The following KIAA0825 variants were observed in gnomAD, a reference collection of about 807,000 sequenced individuals.
KIAA0825 encodes the protein KIAA0825.
KIAA0825 carries 119 observed loss-of-function variants against 147.6 expected under a neutral mutation model. The observed-to-expected ratio is 0.81, with a 90% confidence interval of 0.69 to 0.94. KIAA0825 has a LOEUF of 0.94. Among genes scored for constraint, KIAA0825 ranks in the 40% least tolerant of loss-of-function variants. The pLI is 0.00. For synonymous variants in KIAA0825, 470 were observed against 518.1 expected (o/e 0.91, Z 1.26); for missense variants, 1,381 against 1,472.7 (o/e 0.94, Z 1.02).
chr5:94,356,911 G>T (rs1209675956), intron 20 of KIAA0825, among the ~76,000 whole-genome samples: 1 of 151,808 alleles, frequency 6.6e-6, no homozygotes, highest in Non-Finnish European at 1.5e-5. Flanking sequence ...TTTCAGTACA[G>T]ACAGGGTTTC....
intron 20 of KIAA0825, among the ~76,000 whole-genome samples, chr5:94,379,401 A>G (rs1308925660): frequency 6.6e-6 from 1 of 152,204 alleles, no homozygotes; most frequent in African/African-American, 2.4e-5. Flanking sequence ...TTTGAAGATC[A>G]GATGGTTGTA....
At chr5:94,210,382 A>T (rs1772597759) in intron 20 of KIAA0825, among the ~76,000 whole-genome samples, 1 of 152,188 alleles carries the variant, frequency 6.6e-6, no homozygotes, top group Non-Finnish European at 1.5e-5. Flanking sequence ...ATGATGCTGC[A>T]TACCTTTAAG....
At chr5:94,291,301 G>A (rs944390970) in intron 20 of KIAA0825, among the ~76,000 whole-genome samples, 1 of 152,134 alleles carries the variant, frequency 6.6e-6, no homozygotes, top group African/African-American at 2.4e-5. Context: ...AAGGTGTAAG[G>A]AAGGGGTCCA....
rs559570980 is a variant in KIAA0825 at position 94,352,360 on chromosome 5, C to G, written c.3710+32008G>C. 5.3e-5 allele frequency among the ~76,000 whole-genome samples: 8 copies of G among 152,198 alleles called. No individual in the cohort carries two copies. The East Asian group carries it at 1.5e-3, about 29-fold the overall frequency. On this transcript the variant is annotated intron_variant, in intron 20 of 20. Coordinates refer to ENST00000682413, the MANE Select transcript of KIAA0825 (RefSeq NM_001145678.3). ...TGATCAGGGAAATACAAATCAAAAC[C>G]ACAATGTGATTCCACCTCACTCCTG...
chr5:94,328,687 G>A (rs1780951772), intron 20 of KIAA0825, among the ~76,000 whole-genome samples: 1 of 151,622 alleles, frequency 6.6e-6, no homozygotes, highest in African/African-American at 2.4e-5. Flanking sequence ...GAAAATAATG[G>A]CATTTAGTCA....
chr5:94,451,687 C>G (rs1198454576), intron 13 of KIAA0825, among the ~76,000 whole-genome samples: 2 of 152,192 alleles, frequency 1.3e-5, no homozygotes, highest in Non-Finnish European at 2.9e-5. Flanking sequence ...TTCCAGGACT[C>G]TAGCTGGGTT....
Position 94,520,921 on chromosome 5 carries a change from A to G in KIAA0825, c.301-4T>C. 6.4e-7 allele frequency: 1 copy of G among 1,559,582 alleles called. No homozygotes were observed. The highest frequency in any genetic ancestry group is 8.7e-7 in the Non-Finnish European group (1 of 1,145,972). ...GTTCATTCTTCAACAAATCTTGCTAATGAAATTATAACATTAGAAATGTGA... is the reference window on the plus strand; with the variant it reads ...GTTCATTCTTCAACAAATCTTGCTAGTGAAATTATAACATTAGAAATGTGA... On this transcript the variant is annotated splice_polypyrimidine_tract_variant and splice_region_variant and intron_variant, in intron 4 of 20. Coordinates refer to ENST00000682413, the MANE Select transcript of KIAA0825 (RefSeq NM_001145678.3).
chr5:94,579,082 C>A (rs539486111), intron 2 of KIAA0825, among the ~76,000 whole-genome samples: 2 of 152,100 alleles, frequency 1.3e-5, no homozygotes, highest in Admixed American at 6.6e-5. Flanking sequence ...CCACCACACC[C>A]GGCTAATTTT....
chr5:94,595,860 T>A (rs1785215773), intron 1 of KIAA0825, among the ~76,000 whole-genome samples: 1 of 152,184 alleles, frequency 6.6e-6, no homozygotes, highest in South Asian at 2.1e-4. Flanking sequence ...CTCTCTCAAG[T>A]TCAAAGTTCA....
At chr5:94,194,767 C>T (rs888041626) in intron 20 of KIAA0825, among the ~76,000 whole-genome samples, 1 of 152,206 alleles carries the variant, frequency 6.6e-6, no homozygotes. Context: ...TCCACAAAAT[C>T]TTCTCTGATT....
At chr5:94,230,221 G>C (rs1371041341) in intron 20 of KIAA0825, among the ~76,000 whole-genome samples, 1 of 152,122 alleles carries the variant, frequency 6.6e-6, no homozygotes, top group East Asian at 1.9e-4. Flanking sequence ...TTACTGGCAG[G>C]TAACCATTCT....
intron 20 of KIAA0825, among the ~76,000 whole-genome samples, chr5:94,192,550 C>T (rs1377911889): frequency 6.6e-6 from 1 of 152,104 alleles, no homozygotes; most frequent in Non-Finnish European, 1.5e-5. Context: ...GATTGCAAGG[C>T]CTCTGGAAGC....
At chr5:94,331,212 G>A (rs1781240818) in intron 20 of KIAA0825, among the ~76,000 whole-genome samples, 1 of 151,154 alleles carries the variant, frequency 6.6e-6, no homozygotes, top group Non-Finnish European at 1.5e-5. Flanking sequence ...GAAAGAGAAA[G>A]AAAGAAAAGA....
At chr5:94,593,026 A>C in intron 1 of KIAA0825, 1 of 654,320 alleles carries the variant, frequency 1.5e-6, no homozygotes, top group South Asian at 1.5e-5. Context: ...CAGTCTATTA[A>C]AAAATGTTGA....
intron 5 of KIAA0825, among the ~76,000 whole-genome samples, chr5:94,512,895 T>C (rs558486412): frequency 6.6e-6 from 1 of 152,104 alleles, no homozygotes; most frequent in South Asian, 2.1e-4. Context: ...GACTCCATCT[T>C]ATAAATAAAT....
At chr5:94,271,508 G>T (rs571345221) in intron 20 of KIAA0825, among the ~76,000 whole-genome samples, 182 of 152,308 alleles carry the variant, frequency 1.2e-3, no homozygotes, top group African/African-American at 3.9e-3. Flanking sequence ...AACACTTTGA[G>T]AGGCCAAGGT....
chr5:94,276,521 C>T (rs1028127592), intron 20 of KIAA0825, among the ~76,000 whole-genome samples: 2 of 151,680 alleles, frequency 1.3e-5, no homozygotes, highest in African/African-American at 4.8e-5. Context: ...AGATTAAAAT[C>T]GCTATGCCGC....
intron 20 of KIAA0825, among the ~76,000 whole-genome samples, chr5:94,342,069 G>A (rs567179191): frequency 1.3e-5 from 2 of 152,090 alleles, no homozygotes; most frequent in South Asian, 2.1e-4. Context: ...GGTGGCAGGC[G>A]CCTGTAGTCC....
intron 20 of KIAA0825, among the ~76,000 whole-genome samples, chr5:94,315,886 G>A (rs924533148): frequency 4.0e-5 from 6 of 151,618 alleles, no homozygotes; most frequent in African/African-American, 1.5e-4. Context: ...TGTATCTGTT[G>A]TTCACGGTGT....
Sources: allele counts gnomAD v4.1 joint callset (sites outside exome capture counted in the v4.1 genomes callset), GRCh38; gene constraint gnomAD v4.1.1; transcripts MANE v1.5; gene names NCBI Gene and HGNC (gene_info 2026-07-23, HGNC 2026-07-21).